The following CDH18 variants were observed in gnomAD, a reference collection of about 807,000 sequenced individuals.
CDH18 encodes cadherin-18.
CDH18 carries 31 observed loss-of-function variants against 67.9 expected under a neutral mutation model. That is an observed-to-expected ratio of 0.46 (90% CI 0.34 to 0.62). The LOEUF (loss-of-function observed/expected upper bound fraction) is 0.62, where lower values mean the gene tolerates loss of function less well. CDH18 is among the 20% of genes least tolerant of loss of function. CDH18 has a pLI of 0.01. For missense variants in CDH18, 890 were observed against 975.5 expected, an observed-to-expected ratio of 0.91 and a Z score of 1.17; for synonymous variants, 362 against 347.2, an observed-to-expected ratio of 1.04 and a Z score of -0.48.
intron 2 of CDH18, among the ~76,000 whole-genome samples, chr5:20,073,082 G>T (rs1291330835): frequency 2.0e-5 from 3 of 151,832 alleles, no homozygotes; most frequent in African/African-American, 7.2e-5. Context: ...AAAAACTTTA[G>T]AATCAGTAGT....
At chr5:20,175,096 T>C (rs1412506682) in intron 2 of CDH18, among the ~76,000 whole-genome samples, 1 of 152,008 alleles carries the variant, frequency 6.6e-6, no homozygotes, top group Admixed American at 6.6e-5. Context: ...TAAGTCATAG[T>C]GTTAATGAGA....
intron 1 of CDH18, among the ~76,000 whole-genome samples, chr5:20,490,380 G>C (rs1753518579): frequency 6.6e-6 from 1 of 151,972 alleles, no homozygotes; most frequent in Non-Finnish European, 1.5e-5. Flanking sequence ...GACAATGCTG[G>C]GGTTTAGTTC....
At chr5:20,351,160 TTGTGTGTGTG>T (rs375375615) in intron 1 of CDH18, among the ~76,000 whole-genome samples, 7 of 132,154 alleles carry the variant, frequency 5.3e-5, no homozygotes, top group South Asian at 2.9e-4. Context: ...GTAAATGTAT[TTGTGTGTGTG>T]TGTGTGTGTG....
intron 2 of CDH18, among the ~76,000 whole-genome samples, chr5:20,184,167 T>G (rs1256446542): frequency 6.6e-6 from 1 of 152,054 alleles, no homozygotes. Context: ...AAAAATCATA[T>G]GAACAAAATT....
chr5:20,526,381 C>A (rs892371851), intron 1 of CDH18, among the ~76,000 whole-genome samples: 3 of 152,112 alleles, frequency 2.0e-5, no homozygotes, highest in Admixed American at 1.3e-4. Context: ...GGGATTTCCC[C>A]ACCACAGCAC....
intron 3 of CDH18, among the ~76,000 whole-genome samples, chr5:19,801,172 G>T (rs1040658131): frequency 6.6e-6 from 1 of 152,040 alleles, no homozygotes; most frequent in Non-Finnish European, 1.5e-5. Flanking sequence ...GCATGAAGAC[G>T]TGTAGAGAAA....
At chr5:20,147,211 T>C (rs1394503907) in intron 2 of CDH18, among the ~76,000 whole-genome samples, 1 of 152,150 alleles carries the variant, frequency 6.6e-6, no homozygotes, top group Non-Finnish European at 1.5e-5. Flanking sequence ...TTTGTAGACT[T>C]AATAAGGTTG....
intron 2 of CDH18, among the ~76,000 whole-genome samples, chr5:19,887,433 G>T (rs954492257): frequency 6.6e-6 from 1 of 151,934 alleles, no homozygotes; most frequent in African/African-American, 2.4e-5. Flanking sequence ...TTTTAAAATA[G>T]ATTTATTAAC....
At chr5:20,062,436 C>G (rs184483762) in intron 2 of CDH18, among the ~76,000 whole-genome samples, 1 of 152,136 alleles carries the variant, frequency 6.6e-6, no homozygotes, top group African/African-American at 2.4e-5. Flanking sequence ...GGAATCAGTT[C>G]TCTTTAATTG....
intron 2 of CDH18, among the ~76,000 whole-genome samples, chr5:20,243,043 G>A (rs2974582): frequency 0.7 from 106,580 of 152,030 alleles, 38,027 homozygotes; most frequent in African/African-American, 0.85. Flanking sequence ...GGGCAAGTAA[G>A]TAGATATGTG....
chr5:19,544,387 T>A (rs16899224), intron 8 of CDH18, among the ~76,000 whole-genome samples: 4,054 of 152,136 alleles, frequency 0.027, 139 homozygotes, highest in East Asian at 0.094. Flanking sequence ...TCAAAAAAAA[T>A]TAGAATCCTT....
intron 2 of CDH18, among the ~76,000 whole-genome samples, chr5:20,234,214 T>C (rs1488804096): frequency 1.3e-5 from 2 of 152,120 alleles, no homozygotes; most frequent in Non-Finnish European, 2.9e-5. Flanking sequence ...AGCAGGATCA[T>C]CCAAGCAACC....
chr5:20,382,935 T>C (rs1400039348), intron 1 of CDH18, among the ~76,000 whole-genome samples: 2 of 152,144 alleles, frequency 1.3e-5, no homozygotes, highest in African/African-American at 2.4e-5. Context: ...CCTGTGCTAT[T>C]GCAACAATTA....
intron 9 of CDH18, among the ~76,000 whole-genome samples, chr5:19,534,111 G>T (rs1689682): frequency 0.14 from 21,236 of 151,884 alleles, 1,642 homozygotes; most frequent in South Asian, 0.16. Context: ...TCATCAAATT[G>T]CTCCTTATTG....
intron 2 of CDH18, among the ~76,000 whole-genome samples, chr5:20,017,952 T>G (rs1738025132): frequency 6.6e-6 from 1 of 152,100 alleles, no homozygotes; most frequent in East Asian, 1.9e-4. Flanking sequence ...AATAAAATAT[T>G]GACATAAGGA....
At chr5:20,547,364 C>T (rs1444900077) in intron 1 of CDH18, among the ~76,000 whole-genome samples, 1 of 151,846 alleles carries the variant, frequency 6.6e-6, no homozygotes, top group Non-Finnish European at 1.5e-5. Flanking sequence ...AATTCAAGAC[C>T]AGCCTGGCCA....
At chr5:20,359,437 CT>C (rs1741909894) in intron 1 of CDH18, among the ~76,000 whole-genome samples, 1 of 151,958 alleles carries the variant, frequency 6.6e-6, no homozygotes, top group Non-Finnish European at 1.5e-5. Context: ...CATGTTTTGC[CT>C]TTGGGGATCT....
chr5:20,462,560 C>A (rs561379904), intron 1 of CDH18, among the ~76,000 whole-genome samples: 2 of 152,228 alleles, frequency 1.3e-5, no homozygotes, highest in African/African-American at 4.8e-5. Context: ...AATACCCTGA[C>A]TTGATAATTA....
intron 2 of CDH18, among the ~76,000 whole-genome samples, chr5:20,143,842 G>T: frequency 6.6e-6 from 1 of 152,104 alleles, no homozygotes; most frequent in East Asian, 1.9e-4. Flanking sequence ...TGGAAACAGG[G>T]CCAAGGATGC....
Sources: allele counts gnomAD v4.1 joint callset (sites outside exome capture counted in the v4.1 genomes callset), GRCh38; gene constraint gnomAD v4.1.1; transcripts MANE v1.5; gene names NCBI Gene and HGNC (gene_info 2026-07-23, HGNC 2026-07-21).